The following ANKS1A variants were observed in gnomAD, a reference collection of about 807,000 sequenced individuals.
ANKS1A encodes the protein ankyrin repeat and SAM domain-containing protein 1A.
In ANKS1A, 55 loss-of-function variants were observed where a neutral mutation model predicts 120.3. That is an observed-to-expected ratio of 0.46 (90% confidence interval 0.37 to 0.57). The LOEUF (loss-of-function observed/expected upper bound fraction) is 0.57, where lower values mean the gene tolerates loss of function less well. ANKS1A is among the 20% of genes least tolerant of loss of function. ANKS1A has a pLI of 0.00. For synonymous variants in ANKS1A, 590 were observed against 604.7 expected (o/e 0.98, Z 0.36); for missense variants, 1,123 against 1,480.3 (o/e 0.76, Z 3.96).
At chr6:34,903,320 T>C (rs1028195393) in intron 1 of ANKS1A, among the ~76,000 whole-genome samples, 1 of 152,120 alleles carries the variant, frequency 6.6e-6, no homozygotes, top group Non-Finnish European at 1.5e-5. Context: ...TGTATCTCTT[T>C]AACAGGCAAA....
intron 1 of ANKS1A, among the ~76,000 whole-genome samples, chr6:34,910,635 C>T (rs1386492743): frequency 6.6e-6 from 1 of 151,766 alleles, no homozygotes; most frequent in Non-Finnish European, 1.5e-5. Flanking sequence ...CTGAGGTGGG[C>T]AGATCACCTG....
intron 10 of ANKS1A, among the ~76,000 whole-genome samples, chr6:35,006,256 A>G (rs2127548480): frequency 6.6e-6 from 1 of 150,870 alleles, no homozygotes; most frequent in African/African-American, 2.4e-5. Context: ...GCTACTCAGG[A>G]GGCTGAGGCT....
At chr6:34,919,887 C>T (rs144690802) in intron 1 of ANKS1A, among the ~76,000 whole-genome samples, 1 of 152,098 alleles carries the variant, frequency 6.6e-6, no homozygotes, top group African/African-American at 2.4e-5. Context: ...CTTGAGGGGG[C>T]CCTTCCAAAG....
chr6:35,066,219 C>T (rs905993554), intron 13 of ANKS1A, among the ~76,000 whole-genome samples: 3 of 152,178 alleles, frequency 2.0e-5, no homozygotes, highest in Admixed American at 6.5e-5. Flanking sequence ...CATGTAAGGA[C>T]GCAAGGTGGG....
chr6:35,079,877 C>T lies in ANKS1A; in HGVS notation c.2493C>T (p.Asp831=). The change falls in exon 16 of 24, where the codon GAC becomes GAT. Residue 831 remains aspartate, a synonymous_variant. Coordinates refer to ENST00000360359, the MANE Select transcript of ANKS1A (RefSeq NM_015245.3). ...HRKRIIASLA[D]RPYEEPPQKP... ...AGCGCATCATCGCCTCCCTCGCAGA[C>T]AGACCGTACGAGGAGCCGCCCCAGA... The T allele has an allele frequency of 6.4e-7, 1 of 1,565,778 alleles. No homozygotes were observed. The highest frequency in any genetic ancestry group is 8.7e-7 in the Non-Finnish European group (1 of 1,155,070).
chr6:35,082,945 G>A lies in ANKS1A; in HGVS notation c.2835+129G>A, dbSNP rs9469938. The A allele has an allele frequency of 5.8e-3, 8,453 of 1,454,124 alleles. 446 individuals are homozygous for A. The African/African-American group carries it at 0.1, about 18-fold the overall frequency. 90.1% of individuals were successfully genotyped at this position (1,454,124 alleles called of 1,614,324 possible). On this transcript the variant is annotated intron_variant, in intron 18 of 23. Coordinates refer to ENST00000360359, the MANE Select transcript of ANKS1A (RefSeq NM_015245.3). The surrounding 1 kb of genome is among the most constrained non-coding windows in gnomAD (Gnocchi z 4.1). ...GCTTTTGAGCTGTTCTCCACTCTCA[G>A]CCACTCTTGACAGCTAAGGCGAAGG...
chr6:34,946,831 AAGGCTTTCATTTTCAAC>A (rs1769823331), intron 1 of ANKS1A, among the ~76,000 whole-genome samples: 1 of 152,194 alleles, frequency 6.6e-6, no homozygotes, highest in Non-Finnish European at 1.5e-5. Context: ...TAGACTTTCT[AAGGCTTTCATTTTCAAC>A]AGAATAGTTT....
intron 10 of ANKS1A, among the ~76,000 whole-genome samples, chr6:35,011,191 G>A (rs1237134525): frequency 6.6e-6 from 1 of 152,220 alleles, no homozygotes; most frequent in Non-Finnish European, 1.5e-5. Flanking sequence ...AGCCAGCTGA[G>A]TTAGGTGAAT....
In ANKS1A at chr6:35,060,128, C is replaced by A. The variant is rs768730219; in HGVS notation, c.2078-19C>A. On this transcript the variant is annotated intron_variant, in intron 12 of 23. Transcript: ENST00000360359. The surrounding 1 kb of genome is among the most constrained non-coding windows in gnomAD (Gnocchi z 4.5). ...TGGTTTTTCCCTTTTCAAGCGTCTG[C>A]CGATTCCTCTCTCATCAGGTTTACG... The A allele has an allele frequency of 6.2e-7, 1 of 1,604,530 alleles. No homozygotes were observed. Among genetic ancestry groups the A allele is most frequent in the East Asian group, 2.2e-5 (1 of 44,746 alleles).
chr6:35,008,669 C>T (rs147260589), intron 10 of ANKS1A, among the ~76,000 whole-genome samples: 2 of 152,256 alleles, frequency 1.3e-5, no homozygotes, highest in African/African-American at 4.8e-5. Flanking sequence ...TTTCCTCCAC[C>T]ATATGTATTG....
At chr6:34,907,201 A>C (rs1767687094) in intron 1 of ANKS1A, among the ~76,000 whole-genome samples, 1 of 152,230 alleles carries the variant, frequency 6.6e-6, no homozygotes, top group Non-Finnish European at 1.5e-5. Context: ...AGCCAAGACC[A>C]TTCAGTGCAG....
chr6:35,085,968 C>T lies in ANKS1A; in HGVS notation c.3303+32C>T. 8 of 1,561,230 alleles carry T rather than the reference C, an allele frequency of 5.1e-6. No homozygotes were observed. The highest frequency in any genetic ancestry group is 6.0e-6 in the Non-Finnish European group (7 of 1,157,810). On this transcript the variant is annotated intron_variant, in intron 22 of 23. Coordinates refer to ENST00000360359, the MANE Select transcript of ANKS1A (RefSeq NM_015245.3). This position sits in a 1 kb window ranked among gnomAD's most constrained non-coding sequence, Gnocchi z 4.7. ...GGGCCCCACTGGCCAAGATCCCCCT[C>T]TCCCTGGCCCCAGGGATTCAAGGGC...
At chr6:34,973,971 C>CCCTTCCCCTTCCCTTCCCCTTCCCCTTG in intron 3 of ANKS1A, among the ~76,000 whole-genome samples, 8 of 73,874 alleles carry the variant, frequency 1.1e-4, no homozygotes, top group African/African-American at 3.7e-4. Context: ...CCTTGCCTTC[C>CCCTTCCCCTTCCCTTCCCCTTCCCCTTG]CCTTCCCCTT....
chr6:35,086,393 T>C lies in ANKS1A; in HGVS notation c.3303+457T>C, dbSNP rs1454409663. On this transcript the variant is annotated intron_variant, in intron 22 of 23. Coordinates refer to ENST00000360359, the MANE Select transcript of ANKS1A (RefSeq NM_015245.3). The surrounding 1 kb of genome is among the most constrained non-coding windows in gnomAD (Gnocchi z 5.1). ...GGTCTTTACGCCTCCTGCTGTCTTGTGTGTCAGTCTCCCCGAAGTGACCGT... is the reference window on the plus strand; with the variant it reads ...GGTCTTTACGCCTCCTGCTGTCTTGCGTGTCAGTCTCCCCGAAGTGACCGT... The C allele has an allele frequency of 2.3e-6, 3 of 1,288,466 alleles. No homozygotes were observed. Among genetic ancestry groups the C allele is most frequent in the Non-Finnish European group, 3.0e-6 (3 of 986,864 alleles). The allele number at this position is 1,288,466 out of a possible 1,614,324, so 79.8% of individuals were successfully genotyped here.
intron 11 of ANKS1A, among the ~76,000 whole-genome samples, chr6:35,021,332 G>A (rs1444622047): frequency 6.6e-6 from 1 of 152,192 alleles, no homozygotes; most frequent in African/African-American, 2.4e-5. Flanking sequence ...GAGACCTGGG[G>A]AGGGAGAAGG....
At chr6:34,898,800 ACTTTC>A (rs1767215275) in intron 1 of ANKS1A, among the ~76,000 whole-genome samples, 1 of 152,130 alleles carries the variant, frequency 6.6e-6, no homozygotes, top group African/African-American at 2.4e-5. Context: ...TTGTGAAAAC[ACTTTC>A]CTATATTTTC....
At chr6:34,919,670 T>C (rs1195292064) in intron 1 of ANKS1A, among the ~76,000 whole-genome samples, 1 of 152,196 alleles carries the variant, frequency 6.6e-6, no homozygotes, top group African/African-American at 2.4e-5. Context: ...CAGTATGACC[T>C]TGGGCAAGTT....
In ANKS1A at chr6:34,919,735, CTGTGT is replaced by C. The variant is rs147560633; in HGVS notation, c.197+30140_197+30144del. ...GGTGGTAATGATAGTAGCTGTCTAA[CTGTGT>C]TGTTCTGAGAATTAAATGAGGTAAT... On this transcript the variant is annotated intron_variant, in intron 1 of 23. Transcript: ENST00000360359. Among the ~76,000 whole-genome samples the C allele has an allele frequency of 1.1e-3, 164 of 152,252 alleles. 1 individual carries two copies. The East Asian group carries it at 0.03, about 28-fold the overall frequency.
chr6:35,005,363 A>G (rs1411108051), intron 10 of ANKS1A, among the ~76,000 whole-genome samples: 2 of 152,178 alleles, frequency 1.3e-5, no homozygotes, highest in Non-Finnish European at 2.9e-5. Context: ...TGTTTAGTCT[A>G]TGAGTTGCCT....
Sources: gnomAD v4.1 joint callset for allele counts (sites outside exome capture counted in the v4.1 genomes callset) on GRCh38, gnomAD v4.1.1 for gene constraint, Gnocchi (gnomAD v3.1) non-coding constraint, MANE v1.5 for transcripts, NCBI Gene and HGNC (gene_info 2026-07-23, HGNC 2026-07-21) for gene names.